KATNBL1: variants seen among roughly 807,000 people sequenced by gnomAD.
KATNBL1 encodes katanin regulatory subunit B1 like 1.
A neutral mutation model predicts 44.7 loss-of-function variants in KATNBL1; 28 were observed. That is an observed-to-expected ratio of 0.63 (90% CI 0.46 to 0.86). KATNBL1 has a LOEUF of 0.86. Among genes scored for constraint, KATNBL1 ranks in the 40% least tolerant of loss-of-function variants. KATNBL1 has a pLI of 0.00. For synonymous variants in KATNBL1, 78 were observed against 114.9 expected (o/e 0.68, Z 2.06); for missense variants, 272 against 350.7 (o/e 0.78, Z 1.79).
chr15:34,186,073 G>A (rs1010024532), intron 1 of KATNBL1, among the ~76,000 whole-genome samples: 2 of 152,086 alleles, frequency 1.3e-5, no homozygotes, highest in Admixed American at 1.3e-4. Flanking sequence ...TGGGACAATT[G>A]GGCCATTTCA....
At chr15:34,185,675 G>A (rs1343925199) in intron 1 of KATNBL1, among the ~76,000 whole-genome samples, 1 of 152,214 alleles carries the variant, frequency 6.6e-6, no homozygotes, top group Non-Finnish European at 1.5e-5. Context: ...ATGCAGGGAA[G>A]AAGGCTCTAA....
intron 1 of KATNBL1, among the ~76,000 whole-genome samples, chr15:34,195,640 G>A (rs548244872): frequency 7.6e-4 from 113 of 149,178 alleles, no homozygotes; most frequent in African/African-American, 2.7e-3. Flanking sequence ...GCAGTGAGCC[G>A]AGATCCCATG....
chr15:34,151,943 T>C (rs1300941235), intron 4 of KATNBL1, among the ~76,000 whole-genome samples: 2 of 88,970 alleles, frequency 2.2e-5, no homozygotes, highest in Admixed American at 1.1e-4. Flanking sequence ...GGTGGTCCAC[T>C]TTTTTTTTTT....
intron 3 of KATNBL1, among the ~76,000 whole-genome samples, chr15:34,154,142 C>G (rs1420124474): frequency 1.3e-5 from 2 of 152,118 alleles, no homozygotes; most frequent in East Asian, 3.8e-4. Context: ...TGGCATATAG[C>G]TTCTTGAAAA....
chr15:34,142,279 TAA>T lies in KATNBL1; in HGVS notation c.*58_*59del. On this transcript the variant is annotated 3_prime_UTR_variant, in exon 10 of 10. Coordinates refer to ENST00000256544, the MANE Select transcript of KATNBL1 (RefSeq NM_024713.3). Reference sequence around the variant, plus strand: ...TCTCAGACGAGACTTTTTTTTTTTGTAAATTATACAGTTCAGGGATGTTTTGA... The same window carrying T: ...TCTCAGACGAGACTTTTTTTTTTTGTATTATACAGTTCAGGGATGTTTTGA... The T allele has an allele frequency of 6.9e-7, 1 of 1,456,326 alleles. No individual in the cohort carries two copies. Among genetic ancestry groups the T allele is most frequent in the Non-Finnish European group, 9.1e-7 (1 of 1,097,244 alleles). The allele number at this position is 1,456,326 out of a possible 1,614,324, so 90.2% of individuals were successfully genotyped here.
At chr15:34,201,776 T>G (rs895394535) in intron 1 of KATNBL1, among the ~76,000 whole-genome samples, 9 of 152,312 alleles carry the variant, frequency 5.9e-5, no homozygotes, top group Admixed American at 1.3e-4. Flanking sequence ...TATATACAAC[T>G]GGCCCTCTGT....
intron 1 of KATNBL1, among the ~76,000 whole-genome samples, chr15:34,177,141 C>G (rs1344395887): frequency 6.6e-6 from 1 of 152,092 alleles, no homozygotes; most frequent in African/African-American, 2.4e-5. Flanking sequence ...ATATAACTAT[C>G]CTGAACATTG....
At chr15:34,155,512 C>T (rs140806532) in intron 2 of KATNBL1, among the ~76,000 whole-genome samples, 125 of 150,974 alleles carry the variant, frequency 8.3e-4, no homozygotes, top group African/African-American at 2.4e-3. Flanking sequence ...TTTTTCTAGC[C>T]ACCCTGTGAA....
rs1297773904 is a variant in KATNBL1 at position 34,147,255 on chromosome 15, A to G, written c.643T>C (p.Cys215Arg). 6.2e-7 allele frequency: 1 copy of G among 1,613,026 alleles called. No individual in the cohort carries two copies. Among genetic ancestry groups the G allele is most frequent in the South Asian group, 1.1e-5 (1 of 91,044 alleles). The part of the protein sequence containing the change: ...QEEKQYISLG[C>R]CVDLLPLVKS... ...ACTAGAGGCAACAAGTCAACACAGC[A>G]GCCAAGTGAGATATATTGTTTTTCT... is the stretch of plus-strand genomic sequence containing the variant. Residue 215 changes from cysteine to arginine, a missense_variant, in exon 7 of 10, where the codon TGC (cysteine) becomes CGC (arginine). Cys to Arg is a radical substitution (Grantham distance 180). Coordinates refer to ENST00000256544, the MANE Select transcript of KATNBL1 (RefSeq NM_024713.3).
chr15:34,190,350 A>G (rs1376456055), intron 1 of KATNBL1, among the ~76,000 whole-genome samples: 1 of 152,230 alleles, frequency 6.6e-6, no homozygotes, highest in Non-Finnish European at 1.5e-5. Context: ...ACAGATTACT[A>G]AACAGGTTAC....
In KATNBL1 at chr15:34,153,020, A is replaced by C. The variant is rs1419954966; in HGVS notation, c.208T>G (p.Tyr70Asp). The C allele has an allele frequency of 6.2e-7, 1 of 1,613,524 alleles. No homozygotes were observed. The highest frequency in any genetic ancestry group is 2.2e-5 in the East Asian group (1 of 44,882). Residue 70 changes from tyrosine to aspartate, a missense_variant, in exon 4 of 10, where the codon TAT becomes GAT. Transcript: ENST00000256544. ...GGATGATGAACTTTCTTTCTGCGAT[A>C]GATCACTTTACGAAGTTTATCTGGG... ...KSPDKLRKVI[Y>D]RRKKVHHPFP... is the part of the protein sequence containing the mutation.
chr15:34,187,011 A>T (rs1889735950), intron 1 of KATNBL1, among the ~76,000 whole-genome samples: 1 of 152,342 alleles, frequency 6.6e-6, no homozygotes, highest in South Asian at 2.1e-4. Flanking sequence ...CCCTGGGCTC[A>T]GCCACAGCAG....
chr15:34,170,284 A>G (rs924037900), intron 1 of KATNBL1, among the ~76,000 whole-genome samples: 3 of 152,252 alleles, frequency 2.0e-5, no homozygotes, highest in Non-Finnish European at 4.4e-5. Context: ...AAGCATTCCT[A>G]TATACCAATA....
At position 34,152,088 on chromosome 15, in the gene KATNBL1, C is replaced by T. The variant is rs182353951; in HGVS notation, c.438+702G>A. 1.0e-3 allele frequency among the ~76,000 whole-genome samples: 153 copies of T among 151,952 alleles called. 5 individuals are homozygous for T. The highest frequency in any genetic ancestry group is 3.4e-3 in the Middle Eastern group (1 of 294). ...CCCAAGCAGCTGGGATTACAGGCAC[C>T]CACCATCATGCCCGGCTCATTTTTG... On this transcript the variant is annotated intron_variant, in intron 4 of 9. Transcript: ENST00000256544.
At chr15:34,195,878 T>C (rs1192677910) in intron 1 of KATNBL1, among the ~76,000 whole-genome samples, 1 of 152,160 alleles carries the variant, frequency 6.6e-6, no homozygotes, top group African/African-American at 2.4e-5. Flanking sequence ...TGCAAATAAA[T>C]TTAGGGTCCT....
intron 1 of KATNBL1, among the ~76,000 whole-genome samples, chr15:34,207,574 A>G (rs1032258317): frequency 2.0e-5 from 3 of 151,978 alleles, no homozygotes; most frequent in African/African-American, 7.3e-5. Flanking sequence ...TCTGGGCTCA[A>G]GCTTTCCTCC....
rs549276927 is a variant in KATNBL1 at position 34,200,439 on chromosome 15, T to C, written c.-15+9512A>G. On this transcript the variant is annotated intron_variant, in intron 1 of 9. Coordinates refer to ENST00000256544, the MANE Select transcript of KATNBL1 (RefSeq NM_024713.3). ...AGCTAATTGTTTTTTTTTTTTGTAT[T>C]TTTAGTAGAGATGGGGTTTCACCAT... 2.6e-5 allele frequency among the ~76,000 whole-genome samples: 4 copies of C among 151,748 alleles called. No homozygotes were observed. In the East Asian group the frequency reaches 7.8e-4, roughly 30 times the overall value.
intron 2 of KATNBL1, among the ~76,000 whole-genome samples, chr15:34,157,112 T>C (rs1005930455): frequency 6.6e-6 from 1 of 152,088 alleles, no homozygotes; most frequent in Non-Finnish European, 1.5e-5. Context: ...TTGGCACATC[T>C]CCACAGGGCA....
At chr15:34,200,680 T>C (rs1890157105) in intron 1 of KATNBL1, among the ~76,000 whole-genome samples, 1 of 152,228 alleles carries the variant, frequency 6.6e-6, no homozygotes, top group African/African-American at 2.4e-5. Flanking sequence ...GTGGGTACAA[T>C]ACTATATCAT....
Sources: gnomAD v4.1 joint callset for allele counts (sites outside exome capture counted in the v4.1 genomes callset) on GRCh38, gnomAD v4.1.1 for gene constraint, MANE v1.5 for transcripts, NCBI Gene and HGNC (gene_info 2026-07-23, HGNC 2026-07-21) for gene names.